Variants in PTPRG observed in about 807,000 individuals in gnomAD.
PTPRG encodes the protein receptor-type tyrosine-protein phosphatase gamma.
Under a neutral mutation model 165.3 loss-of-function variants are expected in PTPRG, and 102 were observed. The ratio of observed to expected loss-of-function variants is 0.62; its 90% CI spans 0.53 to 0.73. The LOEUF (loss-of-function observed/expected upper bound fraction) is 0.73, where lower values mean the gene tolerates loss of function less well. PTPRG is among the 30% of genes least tolerant of loss of function. The pLI is 0.00. For synonymous variants in PTPRG, 675 were observed against 669.5 expected (o/e 1.01, Z -0.13); for missense variants, 1,866 against 1,861.4 (o/e 1.00, Z -0.05).
Position 61,887,179 on chromosome 3 carries a change from GCCATCATCAAACACTCATTTCAGC to G in PTPRG, c.191-102444_191-102421del, listed in dbSNP as rs1356019720. Among the ~76,000 whole-genome samples the G allele has an allele frequency of 2.1e-4, 25 of 117,500 alleles. 2 individuals are homozygous for G. The highest frequency in any genetic ancestry group is 8.1e-4 in the African/African-American group (25 of 30,696). 77.1% of individuals were successfully genotyped at this position (117,500 alleles called of 152,430 possible). A position where few individuals can be genotyped will look rare whatever the true frequency, so the allele number is the denominator to read the frequency against. On this transcript the variant is annotated intron_variant, in intron 2 of 29. Coordinates refer to ENST00000474889, the MANE Select transcript of PTPRG (RefSeq NM_002841.4). ...ATATATATATATATATATTTTTAAT[GCCATCATCAAACACTCATTTCAGC>G]CTGGTAAGACAATTTCAGCCCTTGG...
intron 4 of PTPRG, among the ~76,000 whole-genome samples, chr3:62,026,937 AAATT>A (rs1180759263): frequency 2.7e-5 from 4 of 148,694 alleles, no homozygotes; most frequent in South Asian, 2.2e-4. Flanking sequence ...AAAACAAAAC[AAATT>A]GTGTATTGAT....
At chr3:62,043,645 T>G (rs1426834996) in intron 4 of PTPRG, among the ~76,000 whole-genome samples, 1 of 152,200 alleles carries the variant, frequency 6.6e-6, no homozygotes, top group Non-Finnish European at 1.5e-5. Context: ...CGAAGTTAGG[T>G]CATCTTGGTT....
intron 2 of PTPRG, among the ~76,000 whole-genome samples, chr3:61,813,685 T>C (rs563788438): frequency 5.3e-5 from 8 of 151,938 alleles, no homozygotes; most frequent in African/African-American, 1.9e-4. Context: ...TTATTGAATG[T>C]ATACTATGTT....
At position 61,984,120 on chromosome 3, in the gene PTPRG, A is replaced by G. The variant is rs374637837; in HGVS notation, c.191-5505A>G. Among the ~76,000 whole-genome samples the G allele has an allele frequency of 7.9e-4, 120 of 152,252 alleles. No individual in the cohort carries two copies. The Middle Eastern group carries it at 0.048, about 60-fold the overall frequency. On this transcript the variant is annotated intron_variant, in intron 2 of 29. Coordinates refer to ENST00000474889, the MANE Select transcript of PTPRG (RefSeq NM_002841.4). Reference sequence around the variant, plus strand: ...TCCAATTGTGTGATTTATTCTCCCTACTGTGGAAATATGTCTTCCTGATGC... The same window carrying G: ...TCCAATTGTGTGATTTATTCTCCCTGCTGTGGAAATATGTCTTCCTGATGC...
chr3:62,207,429 T>G (rs1700257339), intron 12 of PTPRG, among the ~76,000 whole-genome samples: 1 of 152,230 alleles, frequency 6.6e-6, no homozygotes, highest in African/African-American at 2.4e-5. Flanking sequence ...CTTGCTTCAC[T>G]TCCATTCACC....
intron 5 of PTPRG, among the ~76,000 whole-genome samples, chr3:62,097,325 G>A (rs1383165881): frequency 2.0e-5 from 3 of 152,150 alleles, no homozygotes; most frequent in Non-Finnish European, 2.9e-5. Context: ...TGCCAAAGGC[G>A]ATATTACTCC....
chr3:62,032,694 C>G (rs756766698), intron 4 of PTPRG, among the ~76,000 whole-genome samples: 11 of 152,190 alleles, frequency 7.2e-5, no homozygotes, highest in Non-Finnish European at 1.3e-4. Context: ...ATATCTCATT[C>G]AACGCCTAAC....
intron 2 of PTPRG, among the ~76,000 whole-genome samples, chr3:61,817,211 AAT>A (rs1420147181): frequency 3.6e-5 from 5 of 139,582 alleles, no homozygotes; most frequent in Middle Eastern, 7.2e-3. Context: ...ATAATATAAT[AAT>A]ATATATAAAT....
Position 61,736,353 on chromosome 3 carries a change from T to C in PTPRG, c.86-12525T>C, listed in dbSNP as rs373588275. On this transcript the variant is annotated intron_variant, in intron 1 of 29. Transcript: ENST00000474889. ...TTATCAAGGGTGTAATTTTATGTAC[T>C]ATATAGCTAAGGGAAAATTTAGTAA... Among the ~76,000 whole-genome samples, 6 of 152,088 alleles carry C rather than the reference T, an allele frequency of 3.9e-5. No individual in the cohort carries two copies. The East Asian group carries it at 1.2e-3, about 29-fold the overall frequency.
intron 2 of PTPRG, among the ~76,000 whole-genome samples, chr3:61,973,132 G>C (rs999261240): frequency 6.6e-6 from 1 of 152,244 alleles, no homozygotes; most frequent in Non-Finnish European, 1.5e-5. Flanking sequence ...CAAAGAGAAT[G>C]AAAGCTGATT....
intron 8 of PTPRG, among the ~76,000 whole-genome samples, chr3:62,186,566 C>CGTTTTTTTTT (rs1559620068): frequency 4.0e-5 from 4 of 99,608 alleles, no homozygotes; most frequent in African/African-American, 1.8e-4. Flanking sequence ...TTTTTCTTTT[C>CGTTTTTTTTT]CTTTTTTTTT....
At chr3:61,572,808 C>T (rs570810438) in intron 1 of PTPRG, among the ~76,000 whole-genome samples, 2 of 152,308 alleles carry the variant, frequency 1.3e-5, no homozygotes, top group East Asian at 3.9e-4. Flanking sequence ...ATGGGGCACA[C>T]ACCTGTCCCG....
At chr3:61,840,703 CAT>C (rs2036602153) in intron 2 of PTPRG, among the ~76,000 whole-genome samples, 1 of 150,142 alleles carries the variant, frequency 6.7e-6, no homozygotes, top group Non-Finnish European at 1.5e-5. Flanking sequence ...AGGGACAGGT[CAT>C]GTGGAGACAA....
chr3:61,946,036 G>C (rs910838133), intron 2 of PTPRG, among the ~76,000 whole-genome samples: 2 of 151,772 alleles, frequency 1.3e-5, no homozygotes, highest in African/African-American at 4.8e-5. Flanking sequence ...CTCTCTCTTT[G>C]TATGAGACTA....
At chr3:62,105,753 A>G (rs536536428) in intron 5 of PTPRG, among the ~76,000 whole-genome samples, 2 of 152,182 alleles carry the variant, frequency 1.3e-5, no homozygotes, top group East Asian at 1.9e-4. Context: ...GTTTTTAGAG[A>G]TACCATGGAG....
At chr3:61,593,386 A>G (rs1700621390) in intron 1 of PTPRG, among the ~76,000 whole-genome samples, 2 of 121,200 alleles carry the variant, frequency 1.7e-5, no homozygotes, top group Non-Finnish European at 3.5e-5. Context: ...TAGCTAGGTA[A>G]AAATAATGAA....
rs538001200 is a variant in PTPRG at position 61,673,970 on chromosome 3, G to A, written c.86-74908G>A. Among the ~76,000 whole-genome samples the A allele has an allele frequency of 9.4e-4, 137 of 145,330 alleles. 1 individual carries two copies. The highest frequency in any genetic ancestry group is 3.3e-3 in the African/African-American group (131 of 40,258). ...AAACACTGCTTGTTGTCATAAGTGGGAGTTGAACAAAGAGAAAACATGGAC... is the reference window on the plus strand; with the variant it reads ...AAACACTGCTTGTTGTCATAAGTGGAAGTTGAACAAAGAGAAAACATGGAC... On this transcript the variant is annotated intron_variant, in intron 1 of 29. Coordinates refer to ENST00000474889, the MANE Select transcript of PTPRG (RefSeq NM_002841.4).
intron 16 of PTPRG, among the ~76,000 whole-genome samples, chr3:62,257,254 T>C (rs1290364629): frequency 2.6e-5 from 4 of 152,204 alleles, no homozygotes; most frequent in Non-Finnish European, 5.9e-5. Context: ...TTTGGGTAAC[T>C]GCTAAAAGGG....
chr3:61,896,791 T>C (rs2038363531), intron 2 of PTPRG, among the ~76,000 whole-genome samples: 1 of 152,212 alleles, frequency 6.6e-6, no homozygotes, highest in Admixed American at 6.5e-5. Flanking sequence ...CTCATTGTAG[T>C]TTGAATCTGC....
Sources: gnomAD v4.1 joint callset for allele counts (sites outside exome capture counted in the v4.1 genomes callset) on GRCh38, gnomAD v4.1.1 for gene constraint, MANE v1.5 for transcripts, NCBI Gene and HGNC (gene_info 2026-07-23, HGNC 2026-07-21) for gene names.